The following AZIN2 variants were observed in gnomAD, a reference collection of about 807,000 sequenced individuals.
The protein encoded by AZIN2 is antizyme inhibitor 2.
Under a neutral mutation model 47.8 loss-of-function variants are expected in AZIN2, and 28 were observed. The ratio of observed to expected loss-of-function variants is 0.59; its 90% confidence interval spans 0.43 to 0.80. AZIN2 has a LOEUF of 0.80. AZIN2 is among the 30% of genes least tolerant of loss of function. The pLI is 0.00. For missense variants in AZIN2, 535 were observed against 582.5 expected (o/e 0.92, Z 0.84); for synonymous variants, 221 against 239.4 (o/e 0.92, Z 0.71).
the AZIN2 span, among the ~76,000 whole-genome samples, chr1:33,133,686 AG>A: frequency 1.3e-5 from 2 of 152,206 alleles, no homozygotes; most frequent in Non-Finnish European, 2.9e-5. Flanking sequence ...TGTTAGGGCA[AG>A]GGCAGTGGAC....
At chr1:33,099,249 T>C (rs1643463256) in intron 10 of AZIN2, among the ~76,000 whole-genome samples, 2 of 152,098 alleles carry the variant, frequency 1.3e-5, no homozygotes, top group African/African-American at 4.8e-5. Context: ...CTGCCCCTTA[T>C]CCCTGTGCTG....
At chr1:33,097,873 TGA>T in intron 9 of AZIN2, 192 bp from the exon 10 acceptor site, 1 of 587,492 alleles carries the variant, frequency 1.7e-6, no homozygotes, top group Admixed American at 3.3e-5. Context: ...GCTGCAGGGG[TGA>T]GTGTTCCTAA....
intron 10 of AZIN2, among the ~76,000 whole-genome samples, chr1:33,098,903 A>G (rs1010236541): frequency 1.2e-4 from 18 of 152,132 alleles, no homozygotes; most frequent in Admixed American, 9.8e-4. Context: ...AGGTGGGACT[A>G]TAGGCACCCG....
chr1:33,114,295 A>G (rs1474855753), intron 10 of AZIN2, among the ~76,000 whole-genome samples: 1 of 108,474 alleles, frequency 9.2e-6, no homozygotes, highest in Non-Finnish European at 1.9e-5. Flanking sequence ...ATTTTTTTGT[A>G]TTTTTAGTAG....
At chr1:33,160,059 C>G in the AZIN2 span, 262 of 1,352,532 alleles carry the variant, frequency 1.9e-4, 1 homozygote, top group African/African-American at 2.8e-3. Flanking sequence ...GGAAAGGGCA[C>G]GCGTGGTGGG....
chr1:33,082,530 G>A, intron 4 of AZIN2, 176 bp downstream of exon 4: 4 of 547,014 alleles, frequency 7.3e-6, no homozygotes, highest in South Asian at 4.4e-5. Context: ...CCCCAAACCT[G>A]CCCCTCCTAT....
At chr1:33,148,859 C>T in the AZIN2 span, among the ~76,000 whole-genome samples, 1 of 152,194 alleles carries the variant, frequency 6.6e-6, no homozygotes, top group Admixed American at 6.5e-5. Context: ...AACTGAGACC[C>T]AGAGGGGAGA....
chr1:33,152,765 G>C, the AZIN2 span, among the ~76,000 whole-genome samples: 1 of 152,300 alleles, frequency 6.6e-6, no homozygotes, highest in Non-Finnish European at 1.5e-5. Flanking sequence ...GGGGCTCTGA[G>C]AGGGGAGTGC....
chr1:33,124,187 TA>T (rs374773838), downstream of AZIN2, among the ~76,000 whole-genome samples: 4 of 151,526 alleles, frequency 2.6e-5, no homozygotes, highest in African/African-American at 7.3e-5. This position sits in a 1 kb window ranked among gnomAD's most constrained non-coding sequence, Gnocchi z 4.6. Context: ...CAATAAAAAA[TA>T]AAAAAAGAAA....
At chr1:33,159,875 G>A in the AZIN2 span, 27 of 1,612,218 alleles carry the variant, frequency 1.7e-5, no homozygotes, top group Admixed American at 8.3e-5. The surrounding 1 kb of genome is among the most constrained non-coding windows in gnomAD (Gnocchi z 4.2). Flanking sequence ...GCCTTCTGGC[G>A]TTCACGCAGC....
chr1:33,090,901 C>T (rs912026892), intron 5 of AZIN2, among the ~76,000 whole-genome samples: 4 of 152,168 alleles, frequency 2.6e-5, no homozygotes, highest in African/African-American at 9.7e-5. Flanking sequence ...TGCTGCTTCT[C>T]TGAGTTTGAC....
the AZIN2 span, among the ~76,000 whole-genome samples, chr1:33,136,639 G>A: frequency 6.6e-6 from 1 of 151,618 alleles, no homozygotes; most frequent in Non-Finnish European, 1.5e-5. Context: ...CAAAGTGCTG[G>A]GATTACAGGC....
the AZIN2 span, chr1:33,163,278 A>T: frequency 6.6e-6 from 1 of 151,996 alleles, no homozygotes; most frequent in Non-Finnish European, 1.5e-5. Context: ...ACCTCAGGTG[A>T]TCCGCCCGCC....
intron 10 of AZIN2, among the ~76,000 whole-genome samples, chr1:33,114,106 C>T (rs993979828): frequency 2.0e-5 from 3 of 150,832 alleles, no homozygotes; most frequent in African/African-American, 4.9e-5. Context: ...TATTTTTGTA[C>T]GAATTATTGA....
chr1:33,127,069 T>C (rs1401993444), downstream of AZIN2, among the ~76,000 whole-genome samples: 1 of 152,218 alleles, frequency 6.6e-6, no homozygotes, highest in Non-Finnish European at 1.5e-5. Flanking sequence ...GCAAATACCC[T>C]CATGGATCGT....
At chr1:33,105,659 A>G (rs1294848541) in intron 10 of AZIN2, among the ~76,000 whole-genome samples, 2 of 151,964 alleles carry the variant, frequency 1.3e-5, no homozygotes, top group Non-Finnish European at 2.9e-5. Context: ...TGATCCAATC[A>G]CCTCCCAACA....
the AZIN2 span, among the ~76,000 whole-genome samples, chr1:33,155,939 G>A: frequency 5.3e-4 from 81 of 152,294 alleles, no homozygotes; most frequent in Non-Finnish European, 9.3e-4. Flanking sequence ...TCCCATCTCC[G>A]CTGATGATCT....
At chr1:33,153,257 C>T in the AZIN2 span, among the ~76,000 whole-genome samples, 2 of 152,196 alleles carry the variant, frequency 1.3e-5, no homozygotes, top group South Asian at 2.1e-4. Context: ...ACAGGCCCCA[C>T]AGACAAAGAA....
intron 8 of AZIN2, among the ~76,000 whole-genome samples, chr1:33,095,192 G>A (rs1215499798): frequency 6.6e-6 from 1 of 152,160 alleles, no homozygotes; most frequent in Non-Finnish European, 1.5e-5. Context: ...AACCACTAGA[G>A]GTCGCCTCTT....
Sources: gnomAD v4.1 joint callset for allele counts (sites outside exome capture counted in the v4.1 genomes callset) on GRCh38, gnomAD v4.1.1 for gene constraint, Gnocchi (gnomAD v3.1) non-coding constraint, MANE v1.5 for transcripts, NCBI Gene and HGNC (gene_info 2026-07-23, HGNC 2026-07-21) for gene names.